The following FYB2 variants were observed in gnomAD, a reference collection of about 807,000 sequenced individuals.
FYB2 encodes the protein FYN-binding protein 2.
In FYB2, 103 loss-of-function variants were observed where a neutral mutation model predicts 94.1. That is an observed-to-expected ratio of 1.09 (90% CI 0.93 to 1.29). FYB2 has a LOEUF of 1.29. Ranked by LOEUF, FYB2 falls within the 50% of genes most tolerant of loss-of-function variation. The probability of loss-of-function intolerance (pLI) is 0.00; values close to 1 mark genes in which losing one functional copy is unlikely to be tolerated. For synonymous variants in FYB2, 293 were observed against 287.9 expected, an observed-to-expected ratio of 1.02 and a Z score of -0.18; for missense variants, 896 against 841.5, an observed-to-expected ratio of 1.06 and a Z score of -0.80.
intron 9 of FYB2, among the ~76,000 whole-genome samples, chr1:56,744,727 T>C (rs1396449180): frequency 6.6e-6 from 1 of 151,990 alleles, no homozygotes; most frequent in Non-Finnish European, 1.5e-5. Context: ...ATATATATTA[T>C]TCATTAATTC....
In FYB2 at chr1:56,794,952, A is replaced by T. The variant is rs528961154; in HGVS notation, c.10-2149T>A. ...ATGAGATAACACACATACACACCTC[A>T]GTGATAAATATTTTTTATATTGTGG... On this transcript the variant is annotated intron_variant, in intron 1 of 19. Coordinates refer to ENST00000343433, the MANE Select transcript of FYB2 (RefSeq NM_001004303.5). Among the ~76,000 whole-genome samples, 3 of 152,110 alleles carry T rather than the reference A, an allele frequency of 2.0e-5. No homozygotes were observed. In the South Asian group the frequency reaches 6.2e-4, roughly 32 times the overall value.
chr1:56,772,816 G>A (rs1368558177), intron 4 of FYB2, among the ~76,000 whole-genome samples: 1 of 152,132 alleles, frequency 6.6e-6, no homozygotes, highest in African/African-American at 2.4e-5. Flanking sequence ...TTTGCCCTCT[G>A]CACATAGGCA....
intron 17 of FYB2, among the ~76,000 whole-genome samples, chr1:56,721,119 C>T (rs1644477676): frequency 6.6e-6 from 1 of 152,032 alleles, no homozygotes; most frequent in African/African-American, 2.4e-5. Flanking sequence ...TTGTTAGAAA[C>T]TCCTGAGAAA....
chr1:56,738,572 T>C, intron 14 of FYB2, 53 bp downstream of exon 14: 1 of 1,531,622 alleles, frequency 6.5e-7, no homozygotes, highest in East Asian at 2.3e-5. Context: ...TCCCTGCCTC[T>C]GAATATACAA....
chr1:56,822,854 G>A (rs960779351), upstream of FYB2, among the ~76,000 whole-genome samples: 1 of 151,986 alleles, frequency 6.6e-6, no homozygotes, highest in Non-Finnish European at 1.5e-5. Context: ...TGATGACAAA[G>A]CCAGACTGTG....
chr1:56,734,005 C>T (rs1166957536), intron 15 of FYB2, among the ~76,000 whole-genome samples: 1 of 152,078 alleles, frequency 6.6e-6, no homozygotes, highest in African/African-American at 2.4e-5. Context: ...TTAATATTTA[C>T]AGTGGGGTGT....
chr1:56,747,189 A>G (rs184983914), intron 9 of FYB2, among the ~76,000 whole-genome samples: 2 of 152,022 alleles, frequency 1.3e-5, no homozygotes, highest in Admixed American at 1.3e-4. Flanking sequence ...TGATACATAA[A>G]CGGTATATGT....
intron 1 of FYB2, among the ~76,000 whole-genome samples, chr1:56,802,423 AT>A (rs1357880000): frequency 1.3e-5 from 2 of 152,210 alleles, no homozygotes; most frequent in Non-Finnish European, 2.9e-5. Context: ...TTAGTGAAGA[AT>A]TAGTTTAGCT....
At chr1:56,753,993 G>A (rs1162491407) in intron 7 of FYB2, 58 bp from the exon 8 acceptor site, 1 of 1,045,726 alleles carries the variant, frequency 9.6e-7, no homozygotes, top group Non-Finnish European at 1.5e-6. Flanking sequence ...AAATGATAGT[G>A]TACTGTCCAA....
chr1:56,768,332 A>G (rs1292479771), intron 4 of FYB2, among the ~76,000 whole-genome samples: 1 of 152,236 alleles, frequency 6.6e-6, no homozygotes, highest in Non-Finnish European at 1.5e-5. Context: ...AGTCTGAACC[A>G]TAAGCCTCAT....
chr1:56,741,090 C>G (rs1470513603), intron 12 of FYB2, among the ~76,000 whole-genome samples: 2 of 151,976 alleles, frequency 1.3e-5, no homozygotes, highest in Admixed American at 6.6e-5. Flanking sequence ...ATGTATCAAA[C>G]CTGCACAGGT....
At chr1:56,733,777 G>A (rs567244971) in intron 15 of FYB2, among the ~76,000 whole-genome samples, 32 of 152,126 alleles carry the variant, frequency 2.1e-4, no homozygotes, top group African/African-American at 7.5e-4. Flanking sequence ...GGTCTGAGAG[G>A]CAGTTTGTTA....
intron 1 of FYB2, among the ~76,000 whole-genome samples, chr1:56,796,710 C>T (rs560168148): frequency 1.3e-5 from 2 of 152,172 alleles, no homozygotes; most frequent in East Asian, 1.9e-4. Flanking sequence ...GGGCCTCCCC[C>T]CAACATGCTT....
chr1:56,765,531 G>A (rs948715240), intron 5 of FYB2, among the ~76,000 whole-genome samples: 5 of 152,142 alleles, frequency 3.3e-5, no homozygotes, highest in Admixed American at 3.3e-4. Flanking sequence ...TTGGTGGTGG[G>A]CCACATTTTT....
chr1:56,730,497 C>T (rs541416913), intron 15 of FYB2, among the ~76,000 whole-genome samples: 1 of 151,978 alleles, frequency 6.6e-6, no homozygotes, highest in South Asian at 2.1e-4. Flanking sequence ...ACTTAGAGAC[C>T]ACTGTGAGCA....
In FYB2 at chr1:56,792,419, C is replaced by T; in HGVS notation, c.394G>A (p.Val132Met). The T allele has an allele frequency of 6.2e-7, 1 of 1,614,174 alleles. No homozygotes were observed. The highest frequency in any genetic ancestry group is 8.5e-7 in the Non-Finnish European group (1 of 1,180,034). Residue 132 changes from valine (V) to methionine (M), a missense_variant, in exon 2 of 20, where the codon GTG becomes ATG. Coordinates refer to ENST00000343433, the MANE Select transcript of FYB2 (RefSeq NM_001004303.5). ...VEIITKEKVMVANSFRNKLWN... is the reference protein window; with the variant it reads ...VEIITKEKVMMANSFRNKLWN... ...AGTTTGTTTCTGAAGCTATTGGCCACCATTACTTTTTCCTTAGTGATTATC... is the reference window on the plus strand; with the variant it reads ...AGTTTGTTTCTGAAGCTATTGGCCATCATTACTTTTTCCTTAGTGATTATC...
chr1:56,819,647 C>G (rs1457114825), upstream of FYB2: 2 of 432,072 alleles, frequency 4.6e-6, no homozygotes, highest in East Asian at 4.4e-5. Context: ...CATTTGTGCC[C>G]AGGCAGCAGG....
chr1:56,783,358 T>G (rs1646052440), intron 4 of FYB2, among the ~76,000 whole-genome samples: 1 of 152,180 alleles, frequency 6.6e-6, no homozygotes, highest in South Asian at 2.1e-4. Context: ...CTTTATACAA[T>G]GTCACCTCTC....
chr1:56,719,659 A>C lies in FYB2; in HGVS notation c.*12T>G, dbSNP rs776516224. 2 of 1,597,636 alleles carry C rather than the reference A, an allele frequency of 1.3e-6. No homozygotes were observed. Among genetic ancestry groups the C allele is most frequent in the Admixed American group, 3.4e-5 (2 of 59,390 alleles). On this transcript the variant is annotated 3_prime_UTR_variant, in exon 20 of 20. Coordinates refer to ENST00000343433, the MANE Select transcript of FYB2 (RefSeq NM_001004303.5). ...TCCTTTGTGCAGTCCATAGCATTTGATCTTGATTTTTCTAAGGTGACCAAC... is the reference window on the plus strand; with the variant it reads ...TCCTTTGTGCAGTCCATAGCATTTGCTCTTGATTTTTCTAAGGTGACCAAC...
Sources: gnomAD v4.1 joint callset for allele counts (sites outside exome capture counted in the v4.1 genomes callset) on GRCh38, gnomAD v4.1.1 for gene constraint, MANE v1.5 for transcripts, NCBI Gene and HGNC (gene_info 2026-07-23, HGNC 2026-07-21) for gene names.